RBKS: variants seen among roughly 807,000 people sequenced by gnomAD.
RBKS encodes the protein ribokinase.
RBKS carries 33 observed loss-of-function variants against 33.9 expected under a neutral mutation model. That is an observed-to-expected ratio of 0.97 (90% CI 0.74 to 1.30). RBKS has a LOEUF of 1.30. Ranked by LOEUF, RBKS falls within the 50% of genes most tolerant of loss-of-function variation. The pLI, the probability that RBKS is intolerant of heterozygous loss-of-function variation, is 0.00. For missense variants in RBKS, 361 were observed against 392.6 expected (o/e 0.92, Z 0.68); for synonymous variants, 125 against 143.0 (o/e 0.87, Z 0.90).
chr2:27,890,210 C>A lies in RBKS; in HGVS notation c.89+47G>T. ...TCCACTGGGCGCATAGCGCACGGCA[C>A]GCCTCCTCCCCCGAGCCGCAGACTG... On this transcript the variant is annotated intron_variant, in intron 1 of 7. Transcript: ENST00000302188. This position sits in a 1 kb window ranked among gnomAD's most constrained non-coding sequence, Gnocchi z 4.8. 2 of 1,574,214 alleles carry A rather than the reference C, an allele frequency of 1.3e-6. No individual in the cohort carries two copies. The highest frequency in any genetic ancestry group is 2.2e-5 in the South Asian group (2 of 89,758).
In RBKS at chr2:27,889,186, A is replaced by G. The variant is rs548869474; in HGVS notation, c.89+1071T>C. The stretch of plus-strand genomic sequence containing the variant: ...CACAGCTTATAAATATTTTAAGGTA[A>G]GGTTAAATTGGTTACATGAAGACCC... On this transcript the variant is annotated intron_variant, in intron 1 of 7. Transcript: ENST00000302188. Among the ~76,000 whole-genome samples, 4 of 152,330 alleles carry G rather than the reference A, an allele frequency of 2.6e-5. No individual in the cohort carries two copies. In the East Asian group the frequency reaches 7.7e-4, roughly 29 times the overall value.
chr2:27,820,575 C>T (rs200693789), intron 7 of RBKS, among the ~76,000 whole-genome samples: 1 of 132,042 alleles, frequency 7.6e-6, no homozygotes, highest in Non-Finnish European at 1.6e-5. Context: ...CTCTCTCTCT[C>T]TCTCTTTCTT....
At chr2:27,836,645 G>A (rs1000600408) in intron 5 of RBKS, among the ~76,000 whole-genome samples, 7 of 152,202 alleles carry the variant, frequency 4.6e-5, no homozygotes, top group Non-Finnish European at 1.0e-4. Flanking sequence ...AAATTGACAA[G>A]TGGGACTTAA....
intron 7 of RBKS, among the ~76,000 whole-genome samples, chr2:27,801,963 A>AAAAAATATATATATATAT (rs1308232858): frequency 2.1e-5 from 1 of 47,614 alleles, no homozygotes; most frequent in African/African-American, 8.1e-5. Flanking sequence ...AAAAAAAAAA[A>AAAAAATATATATATATAT]ATATATATAT....
intron 7 of RBKS, among the ~76,000 whole-genome samples, chr2:27,783,222 G>A (rs1321120492): frequency 1.3e-5 from 2 of 151,340 alleles, no homozygotes; most frequent in Non-Finnish European, 2.9e-5. Context: ...GTGGGCAGAT[G>A]GCTTGAGCCC....
Position 27,843,183 on chromosome 2 carries a change from G to T in RBKS, c.398C>A (p.Thr133Lys), listed in dbSNP as rs1013533144. ...ATTGGCTGCTGCCCTCAGATCCTCCGTATTCAAAAGTAAATTTGCTCCAGC... is the reference window on the plus strand; with the variant it reads ...ATTGGCTGCTGCCCTCAGATCCTCCTTATTCAAAAGTAAATTTGCTCCAGC... ...IVAGANLLLN[T>K]EDLRAAANVI... Residue 133 changes from threonine to lysine, a missense_variant, in exon 5 of 8, where the codon ACG (threonine) becomes AAG (lysine). By Grantham distance (78) the Thr-to-Lys change is moderately conservative. Transcript: ENST00000302188. 3.1e-6 allele frequency: 5 copies of T among 1,611,838 alleles called. No individual in the cohort carries two copies. In the African/African-American group the frequency reaches 6.7e-5, roughly 22 times the overall value.
intron 7 of RBKS, among the ~76,000 whole-genome samples, chr2:27,820,627 C>T (rs892644272): frequency 3.3e-5 from 5 of 151,910 alleles, no homozygotes; most frequent in Non-Finnish European, 7.4e-5. Flanking sequence ...GCCCAGGCTG[C>T]TCTTGAACTC....
chr2:27,861,674 T>TGGG, intron 1 of RBKS: 1 of 356,238 alleles, frequency 2.8e-6, no homozygotes, highest in Non-Finnish European at 5.5e-6. Flanking sequence ...GGGGGGGGGG[T>TGGG]GGAGTCTCAC....
intron 7 of RBKS, among the ~76,000 whole-genome samples, chr2:27,792,016 A>G (rs189308723): frequency 2.6e-5 from 4 of 152,272 alleles, no homozygotes; most frequent in Admixed American, 2.6e-4. Context: ...AGGGGTGGGT[A>G]TGTGTATTGA....
intron 7 of RBKS, among the ~76,000 whole-genome samples, chr2:27,805,199 C>T (rs547195108): frequency 2.0e-5 from 3 of 152,060 alleles, no homozygotes; most frequent in Non-Finnish European, 2.9e-5. Flanking sequence ...TTTAAAAAAT[C>T]GCAGAAAAAT....
intron 1 of RBKS, among the ~76,000 whole-genome samples, chr2:27,860,973 CTCT>C (rs1558552986): frequency 7.3e-6 from 1 of 137,594 alleles, no homozygotes; most frequent in Non-Finnish European, 1.5e-5. Context: ...CTCTCTTTCT[CTCT>C]TTTTTTTTTT....
intron 7 of RBKS, among the ~76,000 whole-genome samples, chr2:27,805,324 C>T (rs12465012): frequency 0.36 from 54,733 of 152,004 alleles, 12,281 homozygotes; most frequent in East Asian, 0.65. Context: ...CTTTTCTTTT[C>T]GGTCTCTCTG....
intron 7 of RBKS, among the ~76,000 whole-genome samples, chr2:27,787,417 A>G (rs1011890543): frequency 6.6e-5 from 10 of 152,308 alleles, no homozygotes; most frequent in African/African-American, 1.4e-4. Context: ...TGGGCGAAAG[A>G]GTGAGATCCT....
chr2:27,839,011 G>A (rs1188357851), intron 5 of RBKS, among the ~76,000 whole-genome samples: 1 of 152,154 alleles, frequency 6.6e-6, no homozygotes, highest in Non-Finnish European at 1.5e-5. Context: ...AGTTAGGAAG[G>A]CCCTAATTAT....
chr2:27,813,443 A>AT (rs1252626533), intron 7 of RBKS, among the ~76,000 whole-genome samples: 4 of 152,196 alleles, frequency 2.6e-5, no homozygotes, highest in African/African-American at 9.6e-5. Flanking sequence ...ATAGAATCAA[A>AT]TGGAAATTTT....
At chr2:27,861,628 AC>A (rs1299965844) in intron 1 of RBKS, 7 of 453,980 alleles carry the variant, frequency 1.5e-5, no homozygotes, top group Non-Finnish European at 3.2e-5. Context: ...AAAATAATTC[AC>A]GGAATAAGGA....
chr2:27,822,504 A>G (rs1436110132), intron 7 of RBKS, among the ~76,000 whole-genome samples: 1 of 152,240 alleles, frequency 6.6e-6, no homozygotes, highest in Non-Finnish European at 1.5e-5. Flanking sequence ...CCAGGATGAG[A>G]GGAATACAAG....
intron 2 of RBKS, among the ~76,000 whole-genome samples, chr2:27,857,982 G>A (rs1663891700): frequency 6.6e-6 from 1 of 152,002 alleles, no homozygotes; most frequent in African/African-American, 2.4e-5. Context: ...ATTCATTGAT[G>A]AATAAAAAAA....
intron 7 of RBKS, among the ~76,000 whole-genome samples, chr2:27,817,584 G>C (rs1307472887): frequency 6.6e-6 from 1 of 152,192 alleles, no homozygotes; most frequent in African/African-American, 2.4e-5. Flanking sequence ...GCATGGCTGT[G>C]GAGGCCTCAG....
Sources: gnomAD v4.1 joint callset for allele counts (sites outside exome capture counted in the v4.1 genomes callset) on GRCh38, gnomAD v4.1.1 for gene constraint, Gnocchi (gnomAD v3.1) non-coding constraint, MANE v1.5 for transcripts, NCBI Gene and HGNC (gene_info 2026-07-23, HGNC 2026-07-21) for gene names.